Variants in KREMEN1 observed in about 807,000 individuals in gnomAD.
KREMEN1 encodes the protein kremen protein 1.
A neutral mutation model predicts 46.5 loss-of-function variants in KREMEN1; 30 were observed. That is an observed-to-expected ratio of 0.65 (90% CI 0.48 to 0.88). KREMEN1 has a LOEUF of 0.88. Among genes scored for constraint, KREMEN1 ranks in the 40% least tolerant of loss-of-function variants. KREMEN1 has a pLI of 0.00. For missense variants in KREMEN1, 533 were observed against 596.9 expected, an observed-to-expected ratio of 0.89 and a Z score of 1.11; for synonymous variants, 214 against 230.6, an observed-to-expected ratio of 0.93 and a Z score of 0.65.
intron 5 of KREMEN1, among the ~76,000 whole-genome samples, chr22:29,128,250 A>G (rs533310416): frequency 7.2e-5 from 11 of 152,322 alleles, no homozygotes; most frequent in Non-Finnish European, 1.5e-4. Context: ...TGATTTTTCA[A>G]CTTTGCAGTA....
intron 5 of KREMEN1, among the ~76,000 whole-genome samples, chr22:29,134,580 T>C (rs1307611792): frequency 6.6e-6 from 1 of 152,172 alleles, no homozygotes; most frequent in Non-Finnish European, 1.5e-5. Flanking sequence ...CCACCCTTGC[T>C]TTTATATGTG....
chr22:29,074,401 T>G (rs140716447), intron 1 of KREMEN1, among the ~76,000 whole-genome samples: 185 of 152,338 alleles, frequency 1.2e-3, no homozygotes, highest in African/African-American at 3.5e-3. Flanking sequence ...CTTAGACAGG[T>G]CACTCACTAC....
Position 29,136,007 on chromosome 22 carries a change from C to T in KREMEN1, c.632-1335C>T, listed in dbSNP as rs141859763. Among the ~76,000 whole-genome samples the T allele has an allele frequency of 8.9e-3, 1,361 of 152,138 alleles. 14 individuals carry two copies. The highest frequency in any genetic ancestry group is 0.031 in the African/African-American group (1,298 of 41,496). ...CGTGATCTCGGCTCACTGCAACCTC[C>T]AGCTCCCGGGTTCAAGAAATTCTCC... On this transcript the variant is annotated intron_variant, in intron 5 of 8. Transcript: ENST00000400335.
At chr22:29,129,271 C>T (rs1377655763) in intron 5 of KREMEN1, among the ~76,000 whole-genome samples, 2 of 151,014 alleles carry the variant, frequency 1.3e-5, no homozygotes, top group African/African-American at 2.4e-5. Flanking sequence ...CGCTTCAACC[C>T]GGGAGGTGGA....
chr22:29,119,097 C>T (rs1044688702), intron 3 of KREMEN1, among the ~76,000 whole-genome samples: 1 of 152,256 alleles, frequency 6.6e-6, no homozygotes, highest in South Asian at 2.1e-4. Flanking sequence ...CCTGTAATCC[C>T]AGCACTTTGG....
intron 1 of KREMEN1, among the ~76,000 whole-genome samples, chr22:29,074,493 G>A (rs529004128): frequency 6.6e-6 from 1 of 152,348 alleles, no homozygotes; most frequent in Admixed American, 6.5e-5. Flanking sequence ...ACTTCCACAC[G>A]CAACCTTGTA....
chr22:29,150,223 G>T (rs1019839770), downstream of KREMEN1, among the ~76,000 whole-genome samples: 35 of 14,906 alleles, frequency 2.3e-3, 1 homozygote, highest in East Asian at 0.14. Flanking sequence ...GCAACTGGTG[G>T]GGGGGGGGGC....
At chr22:29,138,865 C>T in intron 7 of KREMEN1, 83 bp downstream of exon 7, 1 of 1,594,500 alleles carries the variant, frequency 6.3e-7, no homozygotes, top group Non-Finnish European at 8.6e-7. Context: ...AAGACAAAAG[C>T]ACTTGGGTGT....
At chr22:29,089,293 A>G (rs2037774024) in intron 1 of KREMEN1, among the ~76,000 whole-genome samples, 1 of 144,012 alleles carries the variant, frequency 6.9e-6, no homozygotes. Flanking sequence ...AGCCCTCCCT[A>G]TTACAGTAAA....
Position 29,098,926 on chromosome 22 carries a change from A to G in KREMEN1, c.325A>G (p.Lys109Glu). 5.6e-6 allele frequency: 9 copies of G among 1,613,726 alleles called. No homozygotes were observed. The highest frequency in any genetic ancestry group is 7.6e-6 in the Non-Finnish European group (9 of 1,179,598). ...AGAGCACGAGGATGGTGTCTACTGG[A>G]AGTACTGTGAGATACCTGCTTGCCA... is the stretch of plus-strand genomic sequence containing the variant. ...VAEHEDGVYW[K>E]YCEIPACQMP... The change falls in exon 3 of 9, where the codon AAG becomes GAG. Residue 109 changes from lysine (K) to glutamate (E), a missense_variant. Physicochemically the swap from Lys to Glu is moderately conservative, Grantham distance 56. Transcript: ENST00000400335.
chr22:29,104,028 T>C (rs945262169), intron 3 of KREMEN1, among the ~76,000 whole-genome samples: 6 of 152,302 alleles, frequency 3.9e-5, no homozygotes, highest in Admixed American at 2.6e-4. Context: ...CCCACTTTTG[T>C]GTATGTTTGC....
At position 29,145,600 on chromosome 22, in the gene KREMEN1, T is replaced by G; in HGVS notation, c.*3488T>G. The G allele has an allele frequency of 4.1e-6, 4 of 985,558 alleles. No individual in the cohort carries two copies. The highest frequency in any genetic ancestry group is 4.8e-6 in the Non-Finnish European group (4 of 830,022). The allele number at this position is 985,558 out of a possible 1,614,324, so 61.1% of individuals were successfully genotyped here. A position where few individuals can be genotyped will look rare whatever the true frequency, so the allele number is the denominator to read the frequency against. On this transcript the variant is annotated 3_prime_UTR_variant, in exon 9 of 9. Transcript: ENST00000400335. ...CAGCGTTTCTCAGTGTCCTTGGCCC[T>G]TCTGAGAAGGCAGGCGGGAGGCACA...
At chr22:29,166,112 C>G (rs2039050840) in intron 9 of KREMEN1, among the ~76,000 whole-genome samples, 1 of 152,200 alleles carries the variant, frequency 6.6e-6, no homozygotes, top group Non-Finnish European at 1.5e-5. Flanking sequence ...CACAAGTACC[C>G]ATGCACACAT....
At chr22:29,160,525 C>A (rs132302) in intron 9 of KREMEN1, among the ~76,000 whole-genome samples, 1 of 145,982 alleles carries the variant, frequency 6.9e-6, no homozygotes, top group African/African-American at 2.6e-5. Context: ...GGGTGACAGA[C>A]CGAGACTCCG....
chr22:29,166,976 C>A, intron 9 of KREMEN1: 1 of 1,225,542 alleles, frequency 8.2e-7, no homozygotes, highest in Non-Finnish European at 1.2e-6. Context: ...ATGCTTCTAA[C>A]TGTTCTCTCC....
At chr22:29,139,163 A>G (rs1311059714) in intron 7 of KREMEN1, among the ~76,000 whole-genome samples, 3 of 152,206 alleles carry the variant, frequency 2.0e-5, no homozygotes, top group Non-Finnish European at 4.4e-5. Context: ...AAAGATATAT[A>G]AGTGCTTCAG....
At chr22:29,105,308 T>TA (rs768270859) in intron 3 of KREMEN1, among the ~76,000 whole-genome samples, 12 of 148,956 alleles carry the variant, frequency 8.1e-5, no homozygotes, top group Non-Finnish European at 1.3e-4. Context: ...ACAGACCCGT[T>TA]ACATTTTTAA....
chr22:29,128,169 A>T (rs1334225029), intron 5 of KREMEN1, among the ~76,000 whole-genome samples: 1 of 152,238 alleles, frequency 6.6e-6, no homozygotes, highest in African/African-American at 2.4e-5. Context: ...TGATGATTGT[A>T]TAACATTGTG....
chr22:29,166,296 G>C (rs2039052310), intron 9 of KREMEN1, among the ~76,000 whole-genome samples: 1 of 151,798 alleles, frequency 6.6e-6, no homozygotes, highest in Non-Finnish European at 1.5e-5. Context: ...GGATGCAAAG[G>C]ACACAGGGCA....
Sources: gnomAD v4.1 joint callset for allele counts (sites outside exome capture counted in the v4.1 genomes callset) on GRCh38, gnomAD v4.1.1 for gene constraint, MANE v1.5 for transcripts, NCBI Gene and HGNC (gene_info 2026-07-23, HGNC 2026-07-21) for gene names.